Variants in DAB2IP observed in about 807,000 individuals in gnomAD.
DAB2IP encodes DAB2 interacting protein.
A neutral mutation model predicts 107.2 loss-of-function variants in DAB2IP; 28 were observed. The ratio of observed to expected loss-of-function variants is 0.26; its 90% CI spans 0.19 to 0.36. The LOEUF (loss-of-function observed/expected upper bound fraction) is 0.36, where lower values mean the gene tolerates loss of function less well. Among genes scored for constraint, DAB2IP ranks in the 10% least tolerant of loss-of-function variants. The pLI is 1.00. For synonymous variants in DAB2IP, 755 were observed against 706.4 expected (o/e 1.07, Z -1.09); for missense variants, 1,400 against 1,644.7 (o/e 0.85, Z 2.57).
rs116430978 is a variant in DAB2IP at position 121,591,808 on chromosome 9, C to G, written c.40+24580C>G. Among the ~76,000 whole-genome samples, 564 of 152,254 alleles carry G rather than the reference C, an allele frequency of 3.7e-3. 3 individuals are homozygous for G. The highest frequency in any genetic ancestry group is 0.013 in the African/African-American group (541 of 41,526). ...CTGGGTGTAGTTCAAGTTGCCTGTG[C>G]AGAGAGTCTAGAAAAATAAGAGGGA... On this transcript the variant is annotated intron_variant, in intron 1 of 16. Transcript: ENST00000259371.
At chr9:121,617,061 C>T (rs541013622) in intron 1 of DAB2IP, among the ~76,000 whole-genome samples, 2 of 152,268 alleles carry the variant, frequency 1.3e-5, no homozygotes, top group African/African-American at 2.4e-5. Context: ...TGGCCAGGCA[C>T]GCTGGCTCAT....
chr9:121,772,955 A>G lies in DAB2IP; in HGVS notation c.2427A>G (p.Thr809=). ...GGCGGGCAGGCCAGACACCAACCAC[A>G]CCAGGCACCTCCGAGGGCGCGCCAG... Residue 809 remains threonine, a synonymous_variant, in exon 12 of 16, where the codon ACA becomes ACG. Coordinates refer to ENST00000408936, the Ensembl canonical transcript of DAB2IP. The surrounding 1 kb of genome is among the most constrained non-coding windows in gnomAD (Gnocchi z 4.7). 1 of 1,580,054 alleles carries G rather than the reference A, an allele frequency of 6.3e-7. No individual in the cohort carries two copies. Among genetic ancestry groups the G allele is most frequent in the Non-Finnish European group, 8.6e-7 (1 of 1,165,556 alleles).
At chr9:121,663,877 G>C (rs1407672157) in intron 1 of DAB2IP, among the ~76,000 whole-genome samples, 2 of 152,280 alleles carry the variant, frequency 1.3e-5, no homozygotes, top group Middle Eastern at 6.8e-3. Context: ...TTCCCACATT[G>C]GGGCAACCCT....
At chr9:121,752,240 C>T (rs1833170218) in intron 3 of DAB2IP, among the ~76,000 whole-genome samples, 1 of 152,074 alleles carries the variant, frequency 6.6e-6, no homozygotes, top group African/African-American at 2.4e-5. Context: ...TGACGACCCA[C>T]CCTCAGGCCT....
chr9:121,744,033 C>A (rs913309577), intron 3 of DAB2IP, among the ~76,000 whole-genome samples: 1 of 152,190 alleles, frequency 6.6e-6, no homozygotes, highest in Non-Finnish European at 1.5e-5. Context: ...GGCGCGGTGT[C>A]CCCTGTGGTG....
At chr9:121,728,092 G>T (rs1022539654) in intron 3 of DAB2IP, among the ~76,000 whole-genome samples, 1 of 152,166 alleles carries the variant, frequency 6.6e-6, no homozygotes, top group Non-Finnish European at 1.5e-5. Flanking sequence ...TTATAGGGGA[G>T]AATATTATGG....
intron 1 of DAB2IP, among the ~76,000 whole-genome samples, chr9:121,673,554 C>T (rs78325460): frequency 0.014 from 2,139 of 152,188 alleles, 55 homozygotes; most frequent in African/African-American, 0.048. Flanking sequence ...AGTATACACA[C>T]AGTACATAAA....
intron 3 of DAB2IP, among the ~76,000 whole-genome samples, chr9:121,705,334 G>T (rs1461694594): frequency 6.6e-6 from 1 of 152,244 alleles, no homozygotes; most frequent in Non-Finnish European, 1.5e-5. Flanking sequence ...ATACATGTCT[G>T]TGCATTTAAT....
rs150313000 is a variant in DAB2IP, at chr9:121,739,416, T to C, written c.363-17597T>C. On this transcript the variant is annotated intron_variant, in intron 3 of 15. Transcript: ENST00000408936. ...ATTTATTCAGTGCAGTGGGGAGTAA[T>C]TGAAGGCTTTTAAGGTGAGGAGTTC... is the stretch of plus-strand genomic sequence containing the variant. Among the ~76,000 whole-genome samples, 628 of 152,284 alleles carry C rather than the reference T, an allele frequency of 4.1e-3. 5 individuals are homozygous for C. Among genetic ancestry groups the C allele is most frequent in the Non-Finnish European group, 6.0e-3 (409 of 68,032 alleles).
At chr9:121,621,774 G>A (rs1831474301) in intron 1 of DAB2IP, among the ~76,000 whole-genome samples, 1 of 148,922 alleles carries the variant, frequency 6.7e-6, no homozygotes, top group Non-Finnish European at 1.5e-5. Flanking sequence ...CGCCTCCCAA[G>A]TAGGTGGGAT....
chr9:121,610,969 ATTTG>A (rs550971230), intron 1 of DAB2IP, among the ~76,000 whole-genome samples: 2,148 of 151,686 alleles, frequency 0.014, 68 homozygotes, highest in African/African-American at 0.048. Context: ...TGACCATAAG[ATTTG>A]TTTGTTTGTT....
intron 2 of DAB2IP, among the ~76,000 whole-genome samples, chr9:121,692,298 A>C (rs912199979): frequency 6.6e-6 from 1 of 152,058 alleles, no homozygotes; most frequent in Admixed American, 6.6e-5. Context: ...TGTGCTGATC[A>C]ATGTGTATGT....
intron 1 of DAB2IP, among the ~76,000 whole-genome samples, chr9:121,623,840 A>G (rs1169279905): frequency 6.6e-6 from 1 of 152,136 alleles, no homozygotes. Flanking sequence ...GGCACATGCC[A>G]CCATGCCTGG....
intron 1 of DAB2IP, among the ~76,000 whole-genome samples, chr9:121,578,283 A>T (rs1273945697): frequency 6.6e-6 from 1 of 151,320 alleles, no homozygotes; most frequent in Non-Finnish European, 1.5e-5. Flanking sequence ...CTTCTGTCTC[A>T]GTCATCTCTA....
intron 2 of DAB2IP, among the ~76,000 whole-genome samples, chr9:121,694,157 G>T (rs1434736217): frequency 1.3e-5 from 2 of 152,126 alleles, no homozygotes; most frequent in Non-Finnish European, 2.9e-5. Context: ...CAGTGCCTGG[G>T]GCTGAGTGTG....
Position 121,782,311 on chromosome 9 carries a change from C to T in DAB2IP, c.3403-20C>T. The T allele has an allele frequency of 6.2e-7, 1 of 1,610,340 alleles. No individual in the cohort carries two copies. The highest frequency in any genetic ancestry group is 2.2e-5 in the East Asian group (1 of 44,742). On this transcript the variant is annotated intron_variant, in intron 15 of 15. Coordinates refer to ENST00000408936, the Ensembl canonical transcript of DAB2IP. The surrounding 1 kb of genome is among the most constrained non-coding windows in gnomAD (Gnocchi z 6.1). ...AGGAGCCTGTCCCATGACCCCCGCT[C>T]ACATCCCCATTGTCCACAGGAGAAG...
chr9:121,611,234 A>G (rs1831084770), intron 1 of DAB2IP, among the ~76,000 whole-genome samples: 9 of 152,160 alleles, frequency 5.9e-5, no homozygotes, highest in Admixed American at 5.9e-4. Flanking sequence ...TCAGCCTCCC[A>G]AAGTGTTGGG....
At chr9:121,675,022 T>C (rs910255768) in intron 1 of DAB2IP, among the ~76,000 whole-genome samples, 2 of 151,562 alleles carry the variant, frequency 1.3e-5, no homozygotes, top group Admixed American at 1.3e-4. Context: ...ATAACTGCAG[T>C]GGGTACCCCG....
At position 121,626,622 on chromosome 9, in the gene DAB2IP, C is replaced by T. The variant is rs1831657251; in HGVS notation, c.41-52056C>T. On this transcript the variant is annotated intron_variant, in intron 1 of 16. Transcript: ENST00000259371. ...TAGTTTTAGTAGAGACAGGGTTTCA[C>T]CATGTTGGCTAGGCTGGTCTCAAAC... 2.0e-5 allele frequency among the ~76,000 whole-genome samples: 3 copies of T among 151,894 alleles called. No homozygotes were observed. The South Asian group carries it at 6.2e-4, about 32-fold the overall frequency.
Sources: gnomAD v4.1 joint callset for allele counts (sites outside exome capture counted in the v4.1 genomes callset) on GRCh38, gnomAD v4.1.1 for gene constraint, Gnocchi (gnomAD v3.1) non-coding constraint, MANE v1.5 for transcripts, NCBI Gene and HGNC (gene_info 2026-07-23, HGNC 2026-07-21) for gene names.